Variants in EHHADH observed in about 807,000 individuals in gnomAD.
EHHADH encodes enoyl-CoA hydratase and 3-hydroxyacyl CoA dehydrogenase.
Under a neutral mutation model 64.4 loss-of-function variants are expected in EHHADH, and 48 were observed. The ratio of observed to expected loss-of-function variants is 0.75; its 90% CI spans 0.59 to 0.95. The LOEUF is 0.95. Among genes scored for constraint, EHHADH ranks in the 40% least tolerant of loss-of-function variants. The pLI is 0.00. For missense variants in EHHADH, 854 were observed against 876.6 expected, an observed-to-expected ratio of 0.97 and a Z score of 0.33; for synonymous variants, 308 against 326.7, an observed-to-expected ratio of 0.94 and a Z score of 0.62.
chr3:185,219,619 TA>T (rs972610421), intron 4 of EHHADH, among the ~76,000 whole-genome samples: 2 of 152,116 alleles, frequency 1.3e-5, no homozygotes, highest in Non-Finnish European at 2.9e-5. Flanking sequence ...AGGTAAGAGG[TA>T]GGGGACATCA....
At chr3:185,212,372 G>C (rs1473072793) in intron 5 of EHHADH, among the ~76,000 whole-genome samples, 1 of 152,162 alleles carries the variant, frequency 6.6e-6, no homozygotes, top group Non-Finnish European at 1.5e-5. Flanking sequence ...AGGATACAGT[G>C]TTAAGTTTGT....
intron 2 of EHHADH, among the ~76,000 whole-genome samples, chr3:185,239,774 T>C (rs1719397060): frequency 6.6e-6 from 1 of 152,192 alleles, no homozygotes; most frequent in Non-Finnish European, 1.5e-5. Context: ...CTTTTATTTC[T>C]TTCTGTTGCC....
chr3:185,223,734 T>C (rs1350082988), intron 4 of EHHADH, among the ~76,000 whole-genome samples: 1 of 152,200 alleles, frequency 6.6e-6, no homozygotes, highest in Non-Finnish European at 1.5e-5. Context: ...GCCTGTCCTG[T>C]GAATGAGTAT....
Position 185,204,653 on chromosome 3 carries a change from G to A in EHHADH, c.673C>T (p.Pro225Ser). The A allele has an allele frequency of 6.2e-7, 1 of 1,614,198 alleles. No homozygotes were observed. The highest frequency in any genetic ancestry group is 8.5e-7 in the Non-Finnish European group (1 of 1,180,032). The change falls in exon 6 of 7, where the codon CCT becomes TCT. Residue 225 changes from proline (P) to serine (S), a missense_variant. Coordinates refer to ENST00000231887, the MANE Select transcript of EHHADH (RefSeq NM_001966.4). Reference protein sequence around the residue: ...EALLKMRRQHPGCLAQEACVR... With the variant: ...EALLKMRRQHSGCLAQEACVR... ...CAAGCCTCCTGTGCAAGACACCCAG[G>A]GTGCTGCCTCCGCATCTTCAAGAGG...
intron 6 of EHHADH, among the ~76,000 whole-genome samples, chr3:185,201,893 A>G (rs761086353): frequency 5.3e-5 from 8 of 152,246 alleles, no homozygotes; most frequent in Non-Finnish European, 1.0e-4. Context: ...TATTATTTGC[A>G]TTAATTATTC....
At chr3:185,242,636 T>G (rs1376233845) in intron 2 of EHHADH, among the ~76,000 whole-genome samples, 1 of 152,166 alleles carries the variant, frequency 6.6e-6, no homozygotes, top group Non-Finnish European at 1.5e-5. Flanking sequence ...TGCCGAGTCA[T>G]GCAGGTTGTA....
chr3:185,249,638 T>C (rs988844322), intron 1 of EHHADH, among the ~76,000 whole-genome samples: 15 of 152,210 alleles, frequency 9.9e-5, no homozygotes, highest in Admixed American at 6.5e-4. Context: ...AGGTACTTGC[T>C]TCTCCTTTGC....
intron 2 of EHHADH, chr3:185,246,191 T>C: frequency 1.0e-6 from 1 of 1,003,388 alleles, no homozygotes; most frequent in Non-Finnish European, 1.5e-6. Flanking sequence ...AATATCTTTT[T>C]TGTTTTTTTT....
At chr3:185,240,346 C>T (rs1044389727) in intron 2 of EHHADH, among the ~76,000 whole-genome samples, 3 of 151,486 alleles carry the variant, frequency 2.0e-5, no homozygotes, top group Admixed American at 6.6e-5. Context: ...AAGATTGGTA[C>T]CAGCTCTTCT....
intron 2 of EHHADH, among the ~76,000 whole-genome samples, chr3:185,240,438 A>C (rs939238669): frequency 5.3e-5 from 8 of 151,788 alleles, no homozygotes; most frequent in African/African-American, 1.9e-4. Flanking sequence ...TACTGATTCA[A>C]TCTCATAACT....
chr3:185,247,413 C>G (rs1040926540), intron 2 of EHHADH, among the ~76,000 whole-genome samples: 1 of 152,090 alleles, frequency 6.6e-6, no homozygotes, highest in Non-Finnish European at 1.5e-5. Flanking sequence ...AGTGAGTAAG[C>G]CATTTAATAA....
At chr3:185,200,829 C>T (rs1369513437) in intron 6 of EHHADH, among the ~76,000 whole-genome samples, 1 of 152,126 alleles carries the variant, frequency 6.6e-6, no homozygotes, top group Non-Finnish European at 1.5e-5. Flanking sequence ...AACTGCGTCT[C>T]CTGCGGGGCT....
intron 4 of EHHADH, chr3:185,226,982 C>T (rs1718995949): frequency 1.3e-5 from 2 of 152,150 alleles, no homozygotes; most frequent in Non-Finnish European, 2.9e-5. Flanking sequence ...CATTTCACTG[C>T]TATAGGCCTA....
rs1322303529 is a variant in EHHADH at position 185,227,993 on chromosome 3, G to T, written c.463+1439C>A. On this transcript the variant is annotated intron_variant, in intron 4 of 6. Transcript: ENST00000231887. ...TAGCTACATTTATAAAGAAAATAAG[G>T]CACAAAAAAGTAAGATGACTGACCT... 2.0e-5 allele frequency among the ~76,000 whole-genome samples: 3 copies of T among 151,054 alleles called. No homozygotes were observed. The South Asian group carries it at 6.2e-4, about 31-fold the overall frequency.
chr3:185,212,452 G>A (rs532223855), intron 5 of EHHADH, among the ~76,000 whole-genome samples: 2 of 152,230 alleles, frequency 1.3e-5, no homozygotes, highest in African/African-American at 4.8e-5. Context: ...CTTCCCACTC[G>A]TAATTGGTTC....
intron 2 of EHHADH, chr3:185,246,377 A>C: frequency 1.5e-6 from 1 of 659,498 alleles, no homozygotes; most frequent in Non-Finnish European, 2.4e-6. Flanking sequence ...CTAACATAAA[A>C]GGCTTCTTCT....
chr3:185,242,734 C>T (rs1356469789), intron 2 of EHHADH, among the ~76,000 whole-genome samples: 3 of 152,162 alleles, frequency 2.0e-5, no homozygotes, highest in Non-Finnish European at 2.9e-5. Context: ...TCTAACAGCA[C>T]TGAGTCTGTT....
intron 5 of EHHADH, among the ~76,000 whole-genome samples, chr3:185,213,030 G>T (rs925856982): frequency 5.7e-5 from 8 of 139,948 alleles, no homozygotes; most frequent in Non-Finnish European, 1.1e-4. Context: ...TGAGGCAGGA[G>T]AATTGCTTGA....
At chr3:185,208,075 CAA>C (rs1223482726) in intron 5 of EHHADH, among the ~76,000 whole-genome samples, 1 of 152,200 alleles carries the variant, frequency 6.6e-6, no homozygotes, top group Non-Finnish European at 1.5e-5. Context: ...GATTAGGTTA[CAA>C]AAAGACTCTG....
Sources: gnomAD v4.1 joint callset for allele counts (sites outside exome capture counted in the v4.1 genomes callset) on GRCh38, gnomAD v4.1.1 for gene constraint, MANE v1.5 for transcripts, NCBI Gene and HGNC (gene_info 2026-07-23, HGNC 2026-07-21) for gene names.